Variants in OR5D3 observed in about 807,000 individuals in gnomAD.
OR5D3 encodes olfactory receptor family 5 subfamily D member 3.
chr11:55,726,108 C>G, the OR5D3 span: 2 of 396,884 alleles, frequency 5.0e-6, no homozygotes, highest in Middle Eastern at 6.2e-4. Flanking sequence ...TTCAGCAACA[C>G]TCTTAATAAA....
the OR5D3 span, chr11:55,724,075 T>A: frequency 2.5e-5 from 10 of 396,002 alleles, no homozygotes; most frequent in South Asian, 1.3e-4. Flanking sequence ...TTAGTTTTTT[T>A]AAAATTTTAT....
the OR5D3 span, chr11:55,726,745 G>T: frequency 1.3e-5 from 5 of 398,774 alleles, no homozygotes; most frequent in African/African-American, 2.1e-5. Context: ...TAATAACTTT[G>T]TCTGTGAGCA....
chr11:55,727,806 T>A, the OR5D3 span: 1 of 152,038 alleles, frequency 6.6e-6, no homozygotes, highest in Non-Finnish European at 1.5e-5. Context: ...TTATTAAAAA[T>A]TTTATTGAGA....
the OR5D3 span, chr11:55,727,937 A>G: frequency 6.6e-6 from 1 of 152,082 alleles, no homozygotes; most frequent in Non-Finnish European, 1.5e-5. Context: ...GAGATAATAC[A>G]CATACATTAT....
chr11:55,726,902 C>T, the OR5D3 span: 3 of 399,148 alleles, frequency 7.5e-6, no homozygotes, highest in Non-Finnish European at 1.3e-5. Context: ...AAGATGCCTT[C>T]CACTGGGGGG....
chr11:55,729,103 T>C, the OR5D3 span: 6 of 152,052 alleles, frequency 3.9e-5, no homozygotes. Flanking sequence ...GAATAGTTGC[T>C]AATCCCTTTA....
At chr11:55,724,278 A>G in the OR5D3 span, among the ~76,000 whole-genome samples, 1 of 152,024 alleles carries the variant, frequency 6.6e-6, no homozygotes, top group Non-Finnish European at 1.5e-5. Context: ...CTCAGCAATG[A>G]AATCAATACT....
At chr11:55,725,133 G>C in the OR5D3 span, among the ~76,000 whole-genome samples, 1 of 151,922 alleles carries the variant, frequency 6.6e-6, no homozygotes, top group South Asian at 2.1e-4. Context: ...ACACTAATTA[G>C]CTATAATTCT....
the OR5D3 span, chr11:55,727,053 G>A: frequency 2.5e-6 from 1 of 404,518 alleles, no homozygotes; most frequent in East Asian, 3.5e-5. Flanking sequence ...TTTACACAGT[G>A]GTCATTCCCA....
chr11:55,724,891 A>G, the OR5D3 span, among the ~76,000 whole-genome samples: 17 of 152,048 alleles, frequency 1.1e-4, no homozygotes, highest in Non-Finnish European at 2.2e-4. Context: ...TCTTTCCTAC[A>G]GGCACAAGCT....
At chr11:55,728,984 G>C in the OR5D3 span, 1 of 151,906 alleles carries the variant, frequency 6.6e-6, no homozygotes. Context: ...TATTCAATAA[G>C]GTTTCCAGGA....
the OR5D3 span, chr11:55,729,012 A>G: frequency 6.6e-6 from 1 of 152,060 alleles, no homozygotes; most frequent in Non-Finnish European, 1.5e-5. Context: ...AGAATATACT[A>G]TTTTTAAATA....
At chr11:55,724,831 AAAT>A in the OR5D3 span, among the ~76,000 whole-genome samples, 1 of 152,042 alleles carries the variant, frequency 6.6e-6, no homozygotes, top group African/African-American at 2.4e-5. Context: ...AGATTTTTAT[AAAT>A]AATTGTTTCA....
chr11:55,728,387 A>C, the OR5D3 span: 2 of 152,138 alleles, frequency 1.3e-5, no homozygotes, highest in African/African-American at 4.8e-5. Flanking sequence ...TGATTGAAAC[A>C]TTTACATCTT....
At chr11:55,728,729 A>G in the OR5D3 span, 1 of 152,024 alleles carries the variant, frequency 6.6e-6, no homozygotes, top group Non-Finnish European at 1.5e-5. Flanking sequence ...ACCAACTTAC[A>G]TGTCTATGCA....
chr11:55,729,476 T>G, the OR5D3 span: 3 of 152,026 alleles, frequency 2.0e-5, no homozygotes, highest in East Asian at 5.8e-4. Context: ...GATTAACAAC[T>G]ATAAAAATTA....
At chr11:55,726,131 C>T in the OR5D3 span, 3 of 397,354 alleles carry the variant, frequency 7.5e-6, no homozygotes, top group South Asian at 4.1e-4. Context: ...CCCACTAAGT[C>T]TCTCAATATT....
chr11:55,728,515 CA>C, the OR5D3 span: 4 of 152,004 alleles, frequency 2.6e-5, no homozygotes, highest in African/African-American at 9.7e-5. Flanking sequence ...TTGCCTTAAC[CA>C]AATGGCTGGT....
At chr11:55,726,730 T>C in the OR5D3 span, 6 of 398,970 alleles carry the variant, frequency 1.5e-5, no homozygotes, top group African/African-American at 1.2e-4. Flanking sequence ...TAGGACTAAC[T>C]TCATTAATAA....
Sources: gnomAD v4.1 joint callset for allele counts (sites outside exome capture counted in the v4.1 genomes callset) on GRCh38, gnomAD v4.1.1 for gene constraint, MANE v1.5 for transcripts, NCBI Gene and HGNC (gene_info 2026-07-23, HGNC 2026-07-21) for gene names.